EML1: variants seen among roughly 807,000 people sequenced by gnomAD.
EML1 encodes the protein echinoderm microtubule-associated protein-like 1.
A neutral mutation model predicts 110.4 loss-of-function variants in EML1; 27 were observed. The observed-to-expected ratio is 0.24, with a 90% CI of 0.18 to 0.34. EML1 has a LOEUF of 0.34. Ranked by LOEUF, EML1 falls within the 10% of genes least tolerant of loss-of-function variation. EML1 has a pLI of 1.00. For missense variants in EML1, 741 were observed against 1,030.9 expected (o/e 0.72, Z 3.85); for synonymous variants, 344 against 385.8 (o/e 0.89, Z 1.27).
chr14:99,903,594 T>C (rs2059794732), intron 9 of EML1, among the ~76,000 whole-genome samples: 1 of 152,272 alleles, frequency 6.6e-6, no homozygotes. Context: ...ATCAGAATTA[T>C]AGGAGTTTCA....
At chr14:99,938,060 C>A in intron 20 of EML1, 148 bp downstream of exon 20, 1 of 749,514 alleles carries the variant, frequency 1.3e-6, no homozygotes, top group Non-Finnish European at 2.2e-6. Context: ...TCCTGCCGCA[C>A]CCTGGGGTAG....
chr14:99,783,250 T>C (rs112721947), intron 1 of EML1, among the ~76,000 whole-genome samples: 1,595 of 151,042 alleles, frequency 0.011, 22 homozygotes, highest in African/African-American at 0.037. Flanking sequence ...TGTCTGGTTT[T>C]TTGTCCTTGC....
Position 99,877,691 on chromosome 14 carries a change from C to A in EML1, c.384-794C>A, listed in dbSNP as rs2059315946. 2.0e-5 allele frequency among the ~76,000 whole-genome samples: 3 copies of A among 152,290 alleles called. No homozygotes were observed. The South Asian group carries it at 6.2e-4, about 32-fold the overall frequency. ...ACGTTTCTGTCGTTACTCGTGACGTCCTGTTAGCATTTGTCCCACGCCTGC... is the reference window on the plus strand; with the variant it reads ...ACGTTTCTGTCGTTACTCGTGACGTACTGTTAGCATTTGTCCCACGCCTGC... On this transcript the variant is annotated intron_variant, in intron 3 of 21. Coordinates refer to ENST00000262233, the MANE Select transcript of EML1 (RefSeq NM_004434.3).
intron 3 of EML1, among the ~76,000 whole-genome samples, chr14:99,872,349 A>G (rs1348975321): frequency 6.6e-6 from 1 of 152,134 alleles, no homozygotes; most frequent in African/African-American, 2.4e-5. Context: ...CACGTGAAAA[A>G]TTATGCTTAG....
chr14:99,933,724 T>G (rs943082582), intron 17 of EML1, among the ~76,000 whole-genome samples: 2 of 152,210 alleles, frequency 1.3e-5, no homozygotes, highest in Admixed American at 1.3e-4. Context: ...CACGAGGTTG[T>G]TACGAAGATA....
At chr14:99,887,216 T>C (rs1489776337) in intron 4 of EML1, among the ~76,000 whole-genome samples, 1 of 152,218 alleles carries the variant, frequency 6.6e-6, no homozygotes, top group Non-Finnish European at 1.5e-5. Flanking sequence ...TTATATCTTA[T>C]ATCAGCTCTC....
intron 1 of EML1, among the ~76,000 whole-genome samples, chr14:99,849,686 TATAGAC>T (rs1456946540): frequency 5.1e-4 from 77 of 151,942 alleles, no homozygotes; most frequent in African/African-American, 1.8e-3. Flanking sequence ...TAGCTGGGAC[TATAGAC>T]GCGCACCACC....
rs186948238 is a variant in EML1, at chr14:99,914,927, G to A, written c.1752+230G>A. The A allele has an allele frequency of 2.8e-4, 155 of 551,370 alleles. No homozygotes were observed. The East Asian group carries it at 5.5e-3, about 19-fold the overall frequency. 34.2% of individuals were successfully genotyped at this position (551,370 alleles called of 1,614,324 possible). On this transcript the variant is annotated intron_variant, in intron 15 of 21. Coordinates refer to ENST00000262233, the MANE Select transcript of EML1 (RefSeq NM_004434.3). ...GTTTACTGTTGAAATTTTCTGACAA[G>A]AAGTTGTTCTTTCTGAGTTCATTGT... is the stretch of plus-strand genomic sequence containing the variant.
intron 2 of EML1, 28 bp downstream of exon 2, chr14:99,851,063 C>G (rs758670708): frequency 1.9e-6 from 3 of 1,591,722 alleles, no homozygotes; most frequent in East Asian, 2.3e-5. Context: ...ACAGGAACTT[C>G]AGTAGAATTG....
At chr14:99,892,042 G>T in intron 5 of EML1, 4 of 595,558 alleles carry the variant, frequency 6.7e-6, no homozygotes, top group Non-Finnish European at 6.3e-6. Flanking sequence ...AAGACTGGGG[G>T]GCAGGTCAGG....
At chr14:99,877,100 G>A (rs1412474130) in intron 3 of EML1, among the ~76,000 whole-genome samples, 1 of 152,100 alleles carries the variant, frequency 6.6e-6, no homozygotes, top group Non-Finnish European at 1.5e-5. Flanking sequence ...TCACCATCCT[G>A]GAGGCTGGGA....
chr14:99,749,433 C>T (rs1301280354), intron 1 of EML1, among the ~76,000 whole-genome samples: 1 of 152,182 alleles, frequency 6.6e-6, no homozygotes, highest in Non-Finnish European at 1.5e-5. Context: ...TTTTCACGTG[C>T]TTATTGGGCA....
Position 99,940,207 on chromosome 14 carries a change from C to A in EML1, c.*95C>A. 2 of 1,354,826 alleles carry A rather than the reference C, an allele frequency of 1.5e-6. No homozygotes were observed. Among genetic ancestry groups the A allele is most frequent in the African/African-American group, 1.5e-5 (1 of 66,890 alleles). The allele number at this position is 1,354,826 out of a possible 1,614,324, so 83.9% of individuals were successfully genotyped here. ...TGATTTCTGTTTTGTTTAAAAAATT[C>A]TTACAAACCTCAGGAAAACTGTGCC... On this transcript the variant is annotated 3_prime_UTR_variant, in exon 22 of 22. Transcript: ENST00000262233.
At chr14:99,807,245 G>A (rs2139701080) in intron 1 of EML1, among the ~76,000 whole-genome samples, 1 of 152,318 alleles carries the variant, frequency 6.6e-6, no homozygotes, top group East Asian at 1.9e-4. Flanking sequence ...GGAGTGCATA[G>A]GCTTTGGAGA....
At chr14:99,765,397 C>T (rs1212028167) in intron 1 of EML1, among the ~76,000 whole-genome samples, 1 of 151,936 alleles carries the variant, frequency 6.6e-6, no homozygotes, top group African/African-American at 2.4e-5. Context: ...CACGCCAGGC[C>T]CCTGGCTACC....
chr14:99,920,517 TA>T (rs2060112059), intron 16 of EML1, among the ~76,000 whole-genome samples: 1 of 152,338 alleles, frequency 6.6e-6, no homozygotes, highest in African/African-American at 2.4e-5. Context: ...TCTCCATGTG[TA>T]AATGACAAAG....
chr14:99,936,479 T>C lies in EML1; in HGVS notation c.2095+145T>C. The C allele has an allele frequency of 1.4e-6, 1 of 719,650 alleles. No homozygotes were observed. The highest frequency in any genetic ancestry group is 2.3e-6 in the Non-Finnish European group (1 of 429,924). 44.6% of individuals were successfully genotyped at this position (719,650 alleles called of 1,614,324 possible). The stretch of plus-strand genomic sequence containing the variant: ...GGTCATGGTTTCCGCCTCTGTAACG[T>C]AGGGGAGTGGGGCTGCGTGGCTTCT... On this transcript the variant is annotated intron_variant, in intron 19 of 21. Coordinates refer to ENST00000262233, the MANE Select transcript of EML1 (RefSeq NM_004434.3). This position sits in a 1 kb window ranked among gnomAD's most constrained non-coding sequence, Gnocchi z 5.5.
intron 1 of EML1, among the ~76,000 whole-genome samples, chr14:99,739,259 G>A (rs553416175): frequency 9.2e-5 from 14 of 152,022 alleles, no homozygotes; most frequent in East Asian, 7.8e-4. Flanking sequence ...CGGGAGCCCC[G>A]GGAGCCAGCA....
At chr14:99,792,370 G>C (rs138402377), upstream of EML1, among the ~76,000 whole-genome samples, 120 of 152,318 alleles carry the variant, frequency 7.9e-4, no homozygotes, top group African/African-American at 2.8e-3. Flanking sequence ...TTGGGACCAA[G>C]CTCATTCTTG....
Sources: gnomAD v4.1 joint callset for allele counts (sites outside exome capture counted in the v4.1 genomes callset) on GRCh38, gnomAD v4.1.1 for gene constraint, Gnocchi (gnomAD v3.1) non-coding constraint, MANE v1.5 for transcripts, NCBI Gene and HGNC (gene_info 2026-07-23, HGNC 2026-07-21) for gene names.